The following RHOJ variants were observed in gnomAD, a reference collection of about 807,000 sequenced individuals.
The protein encoded by RHOJ is rho-related GTP-binding protein RhoJ.
In RHOJ, 11 loss-of-function variants were observed where a neutral mutation model predicts 23.4. The observed-to-expected ratio is 0.47, with a 90% confidence interval of 0.30 to 0.78. The LOEUF (loss-of-function observed/expected upper bound fraction) is 0.78. RHOJ is among the 30% of genes least tolerant of loss of function. The pLI is 0.08. For missense variants in RHOJ, 254 were observed against 273.4 expected, an observed-to-expected ratio of 0.93 and a Z score of 0.50; for synonymous variants, 102 against 102.7, an observed-to-expected ratio of 0.99 and a Z score of 0.04.
intron 1 of RHOJ, among the ~76,000 whole-genome samples, chr14:63,218,627 A>G (rs548302938): frequency 2.0e-5 from 3 of 152,318 alleles, no homozygotes; most frequent in Admixed American, 1.3e-4. Flanking sequence ...GGTAGTGCAC[A>G]TCAGCCAAAC....
intron 1 of RHOJ, among the ~76,000 whole-genome samples, chr14:63,230,708 CACACACACACAT>C (rs1894675581): frequency 6.6e-6 from 1 of 151,890 alleles, no homozygotes; most frequent in African/African-American, 2.4e-5. Flanking sequence ...CACACACACA[CACACACACACAT>C]ACACACTTCT....
chr14:63,223,717 T>A (rs956913551), intron 1 of RHOJ, among the ~76,000 whole-genome samples: 1 of 152,168 alleles, frequency 6.6e-6, no homozygotes, highest in African/African-American at 2.4e-5. Flanking sequence ...GAGGGAGATA[T>A]ATTAATATAT....
intron 1 of RHOJ, among the ~76,000 whole-genome samples, chr14:63,212,652 G>A (rs1894264278): frequency 6.6e-6 from 1 of 152,098 alleles, no homozygotes; most frequent in South Asian, 2.1e-4. Flanking sequence ...TGCAATAATA[G>A]AATTCTGATG....
rs1404749644 is a variant in RHOJ at position 63,258,237 on chromosome 14, A to G, written c.179-10873A>G. ...GAGTGAAACTCTGTCCCAAAAAAAA[A>G]AAAAAAAAAAAGGGCTATCATCTTA... On this transcript the variant is annotated intron_variant, in intron 1 of 4. Transcript: ENST00000316754. 3.3e-5 allele frequency among the ~76,000 whole-genome samples: 5 copies of G among 150,950 alleles called. No homozygotes were observed. The East Asian group carries it at 9.7e-4, about 29-fold the overall frequency.
intron 1 of RHOJ, among the ~76,000 whole-genome samples, chr14:63,254,980 T>G (rs1895137577): frequency 6.6e-6 from 1 of 152,200 alleles, no homozygotes; most frequent in African/African-American, 2.4e-5. Flanking sequence ...TTTCCCAGCC[T>G]TCTTGGCCCC....
At chr14:63,211,833 C>T (rs1467978770) in intron 1 of RHOJ, among the ~76,000 whole-genome samples, 4 of 152,134 alleles carry the variant, frequency 2.6e-5, no homozygotes, top group Non-Finnish European at 5.9e-5. Flanking sequence ...CTCTATTTCC[C>T]TCAAGGCTAA....
chr14:63,211,777 A>G (rs1227004835), intron 1 of RHOJ, among the ~76,000 whole-genome samples: 1 of 152,040 alleles, frequency 6.6e-6, no homozygotes, highest in African/African-American at 2.4e-5. Context: ...AGGTGCTATC[A>G]TTTTCTCAAC....
intron 3 of RHOJ, among the ~76,000 whole-genome samples, chr14:63,281,829 C>G (rs573236819): frequency 3.3e-5 from 5 of 152,276 alleles, no homozygotes; most frequent in Admixed American, 1.3e-4. Context: ...TGTTCTTTGG[C>G]ATTTTAAAAT....
Position 63,269,152 on chromosome 14 carries a change from A to G in RHOJ, c.221A>G (p.Tyr74Cys), listed in dbSNP as rs982423627. 1.9e-6 allele frequency: 3 copies of G among 1,612,822 alleles called. No homozygotes were observed. The highest frequency in any genetic ancestry group is 1.3e-5 in the African/African-American group (1 of 75,000). Residue 74 changes from tyrosine to cysteine, a missense_variant, in exon 2 of 5, where the codon TAT becomes TGT. By Grantham distance (194) the Tyr-to-Cys change is radical (BLOSUM62 -2). Coordinates refer to ENST00000316754, the MANE Select transcript of RHOJ (RefSeq NM_020663.5). ...GGCAAGCAACACTTGCTCGGACTGT[A>G]TGACACCGCGGGACAGGTACATTTT... The part of the protein sequence containing the change: ...VGGKQHLLGL[Y>C]DTAGQEDYNQ...
chr14:63,245,981 T>G (rs1348619600), intron 1 of RHOJ, among the ~76,000 whole-genome samples: 1 of 152,150 alleles, frequency 6.6e-6, no homozygotes, highest in East Asian at 1.9e-4. Context: ...GACCTTGTCA[T>G]AAACCCAAAG....
intron 1 of RHOJ, among the ~76,000 whole-genome samples, chr14:63,214,781 G>A (rs1894317564): frequency 6.6e-6 from 1 of 152,150 alleles, no homozygotes. Context: ...CCCAAGGGCA[G>A]CCATGGGTAG....
At chr14:63,210,200 T>A (rs1252049507) in intron 1 of RHOJ, among the ~76,000 whole-genome samples, 12 of 152,134 alleles carry the variant, frequency 7.9e-5, no homozygotes, top group Non-Finnish European at 1.5e-4. Context: ...GACCTCGTGA[T>A]CTGCCCACCT....
At chr14:63,271,582 CTTTTA>C (rs556505425) in intron 2 of RHOJ, among the ~76,000 whole-genome samples, 6 of 152,108 alleles carry the variant, frequency 3.9e-5, no homozygotes, top group African/African-American at 1.2e-4. Context: ...ATTTGCATTT[CTTTTA>C]TTTTATTTTA....
chr14:63,246,288 A>G (rs1224614997), intron 1 of RHOJ, among the ~76,000 whole-genome samples: 2 of 152,198 alleles, frequency 1.3e-5, no homozygotes, highest in Non-Finnish European at 2.9e-5. Context: ...CATTTCATGT[A>G]TAAGTAAACA....
chr14:63,222,431 A>C (rs996016850), intron 1 of RHOJ, among the ~76,000 whole-genome samples: 1 of 152,204 alleles, frequency 6.6e-6, no homozygotes, highest in Non-Finnish European at 1.5e-5. Flanking sequence ...ACTAGTTTAC[A>C]GTCCCACCAA....
At chr14:63,235,519 CA>C (rs1254455743) in intron 1 of RHOJ, among the ~76,000 whole-genome samples, 6 of 152,178 alleles carry the variant, frequency 3.9e-5, no homozygotes, top group African/African-American at 1.4e-4. Context: ...TCAAATGGTT[CA>C]GGGGGCAAAA....
Position 63,204,625 on chromosome 14 carries a change from C to A in RHOJ, c.-245C>A. 1.9e-6 allele frequency: 1 copy of A among 537,632 alleles called. No homozygotes were observed. Among genetic ancestry groups the A allele is most frequent in the Non-Finnish European group, 3.3e-6 (1 of 302,926 alleles). 33.3% of individuals were successfully genotyped at this position (537,632 alleles called of 1,614,324 possible). A position where few individuals can be genotyped will look rare whatever the true frequency, so the allele number is the denominator to read the frequency against. On this transcript the variant is annotated 5_prime_UTR_variant, in exon 1 of 5. Coordinates refer to ENST00000316754, the MANE Select transcript of RHOJ (RefSeq NM_020663.5). ...TTCTGTGAAAATGAGGGTTTCTTAA[C>A]TCACACTGAGAGCGGAAAGGGGCAG...
intron 1 of RHOJ, among the ~76,000 whole-genome samples, chr14:63,253,797 G>C (rs17765362): frequency 0.099 from 15,144 of 152,248 alleles, 940 homozygotes; most frequent in African/African-American, 0.15. Context: ...CTGGTAGAGG[G>C]TCAACCAATG....
chr14:63,267,109 G>T (rs1428255230), intron 1 of RHOJ, among the ~76,000 whole-genome samples: 1 of 152,196 alleles, frequency 6.6e-6, no homozygotes, highest in Non-Finnish European at 1.5e-5. Context: ...TTCAGTCCAG[G>T]AACCTGGTAG....
Sources: gnomAD v4.1 joint callset for allele counts (sites outside exome capture counted in the v4.1 genomes callset) on GRCh38, gnomAD v4.1.1 for gene constraint, MANE v1.5 for transcripts, NCBI Gene and HGNC (gene_info 2026-07-23, HGNC 2026-07-21) for gene names.